TMEM135: variants seen among roughly 807,000 people sequenced by gnomAD.
TMEM135 encodes transmembrane protein 135.
TMEM135 carries 30 observed loss-of-function variants against 60.3 expected under a neutral mutation model. That is an observed-to-expected ratio of 0.50 (90% CI 0.37 to 0.68). TMEM135 has a LOEUF of 0.68. Ranked by LOEUF, TMEM135 falls within the 30% of genes least tolerant of loss-of-function variation. The pLI is 0.00. For synonymous variants in TMEM135, 190 were observed against 186.7 expected (o/e 1.02, Z -0.14); for missense variants, 468 against 548.8 (o/e 0.85, Z 1.47).
intron 4 of TMEM135, among the ~76,000 whole-genome samples, chr11:87,092,670 A>G (rs1405030517): frequency 1.3e-5 from 2 of 152,200 alleles, no homozygotes; most frequent in African/African-American, 2.4e-5. Context: ...TTGAGCTTCT[A>G]AATAGAGTCT....
chr11:87,061,212 T>G (rs4269948), intron 1 of TMEM135, among the ~76,000 whole-genome samples: 13,168 of 152,260 alleles, frequency 0.086, 614 homozygotes, highest in African/African-American at 0.089. Flanking sequence ...TTCATTATGC[T>G]CTTTCCTTTA....
At position 87,326,079 on chromosome 11, in the gene TMEM135, C is replaced by T. The variant is rs189566335; in HGVS notation, c.*4746C>T. 2,153 of 453,716 alleles carry T rather than the reference C, an allele frequency of 4.7e-3. 9 individuals are homozygous for T. Among genetic ancestry groups the T allele is most frequent in the Middle Eastern group, 0.01 (15 of 1,444 alleles). The allele number at this position is 453,716 out of a possible 1,614,324, so 28.1% of individuals were successfully genotyped here. A position where few individuals can be genotyped will look rare whatever the true frequency, so the allele number is the denominator to read the frequency against. On this transcript the variant is annotated 3_prime_UTR_variant, in exon 15 of 15. Coordinates refer to ENST00000305494, the MANE Select transcript of TMEM135 (RefSeq NM_022918.4). ...TTAGCTCACAAACTACTATAGCTTG[C>T]CTGTTCAGTTTTTTTTTTTTTTAAT...
chr11:87,291,734 G>T (rs1291725092), intron 6 of TMEM135, among the ~76,000 whole-genome samples: 2 of 151,544 alleles, frequency 1.3e-5, no homozygotes, highest in Non-Finnish European at 2.9e-5. Context: ...GTAGAGATGG[G>T]GTTTCGCCAT....
intron 4 of TMEM135, among the ~76,000 whole-genome samples, chr11:87,147,151 G>T (rs61904238): frequency 6.6e-6 from 1 of 151,896 alleles, no homozygotes; most frequent in African/African-American, 2.4e-5. Flanking sequence ...GCGAAACCCC[G>T]TCTCTACTAA....
At chr11:87,272,387 G>A (rs1299955805) in intron 6 of TMEM135, among the ~76,000 whole-genome samples, 2 of 151,968 alleles carry the variant, frequency 1.3e-5, no homozygotes, top group Non-Finnish European at 2.9e-5. Context: ...GGATGACTCT[G>A]CTCTAGAAGA....
chr11:87,213,218 G>C (rs1013731864), intron 5 of TMEM135, among the ~76,000 whole-genome samples: 1 of 152,122 alleles, frequency 6.6e-6, no homozygotes, highest in Non-Finnish European at 1.5e-5. Flanking sequence ...AATGGTCTCT[G>C]TGTGTGTTAA....
At chr11:87,314,192 C>CA (rs1460802014) in intron 11 of TMEM135, among the ~76,000 whole-genome samples, 1 of 151,722 alleles carries the variant, frequency 6.6e-6, no homozygotes. Context: ...TTGTATTTGG[C>CA]AAGACCACTC....
At chr11:87,132,780 T>A (rs1937972433) in intron 4 of TMEM135, among the ~76,000 whole-genome samples, 1 of 152,028 alleles carries the variant, frequency 6.6e-6, no homozygotes, top group African/African-American at 2.4e-5. Flanking sequence ...GATGCTGGAA[T>A]TTGCAGATTG....
intron 5 of TMEM135, among the ~76,000 whole-genome samples, chr11:87,185,378 A>G (rs1184348580): frequency 3.9e-5 from 6 of 152,082 alleles, no homozygotes; most frequent in African/African-American, 1.2e-4. Flanking sequence ...CTAGAAATTT[A>G]TTGAAGAAAC....
intron 6 of TMEM135, among the ~76,000 whole-genome samples, chr11:87,272,914 T>G (rs1182185492): frequency 6.6e-6 from 1 of 152,218 alleles, no homozygotes; most frequent in Non-Finnish European, 1.5e-5. Context: ...AATGTCTTAG[T>G]ACATTAACCA....
intron 5 of TMEM135, among the ~76,000 whole-genome samples, chr11:87,228,532 G>A (rs1254045561): frequency 7.2e-5 from 11 of 152,124 alleles, no homozygotes; most frequent in Non-Finnish European, 1.5e-4. Flanking sequence ...CTGAGTCATG[G>A]AAGGAAGAGG....
At chr11:87,279,372 T>A (rs1383861150) in intron 6 of TMEM135, among the ~76,000 whole-genome samples, 1 of 152,168 alleles carries the variant, frequency 6.6e-6, no homozygotes, top group African/African-American at 2.4e-5. Context: ...ACTGTTAAAT[T>A]TTTCTTGTAG....
At chr11:87,170,009 T>A (rs1332973445) in intron 5 of TMEM135, among the ~76,000 whole-genome samples, 1 of 60,818 alleles carries the variant, frequency 1.6e-5, no homozygotes, top group African/African-American at 6.8e-5. Context: ...CTTTTTAGTC[T>A]TTTTTTTTTC....
At chr11:87,167,749 G>A (rs1591071902) in intron 5 of TMEM135, among the ~76,000 whole-genome samples, 1 of 152,130 alleles carries the variant, frequency 6.6e-6, no homozygotes, top group African/African-American at 2.4e-5. Flanking sequence ...TGTTCATCAG[G>A]GATATTGGCC....
intron 6 of TMEM135, among the ~76,000 whole-genome samples, chr11:87,293,404 C>A (rs74521610): frequency 0.17 from 21,186 of 122,652 alleles, 1,872 homozygotes; most frequent in African/African-American, 0.27. Flanking sequence ...AAAAAAACAA[C>A]AAAAAACGAG....
chr11:87,087,290 CAAA>C (rs111844297), intron 3 of TMEM135, among the ~76,000 whole-genome samples: 58,834 of 133,438 alleles, frequency 0.44, 12,938 homozygotes, highest in East Asian at 0.67. Flanking sequence ...GTCTTATTTT[CAAA>C]AAAAAAAAAA....
At chr11:87,184,674 C>G (rs549604962) in intron 5 of TMEM135, among the ~76,000 whole-genome samples, 1 of 152,158 alleles carries the variant, frequency 6.6e-6, no homozygotes, top group South Asian at 2.1e-4. Flanking sequence ...ATAAGAGACT[C>G]TAAATATAAT....
chr11:87,212,885 T>C (rs1940408255), intron 5 of TMEM135, among the ~76,000 whole-genome samples: 1 of 151,818 alleles, frequency 6.6e-6, no homozygotes, highest in Non-Finnish European at 1.5e-5. Flanking sequence ...TTTACTGATT[T>C]AATAAAAATT....
intron 5 of TMEM135, among the ~76,000 whole-genome samples, chr11:87,223,886 A>G (rs1221658907): frequency 6.6e-6 from 1 of 152,054 alleles, no homozygotes. Context: ...CCCCCAAAAC[A>G]TTATTAGTTC....
Sources: allele counts gnomAD v4.1 joint callset (sites outside exome capture counted in the v4.1 genomes callset), GRCh38; gene constraint gnomAD v4.1.1; transcripts MANE v1.5; gene names NCBI Gene and HGNC (gene_info 2026-07-23, HGNC 2026-07-21).